Variants in DPYS observed in about 807,000 individuals in gnomAD.
DPYS encodes dihydropyrimidinase.
Under a neutral mutation model 50.3 loss-of-function variants are expected in DPYS, and 39 were observed. The ratio of observed to expected loss-of-function variants is 0.78; its 90% confidence interval spans 0.60 to 1.01. The LOEUF is 1.01. Among genes scored for constraint, DPYS ranks in the 50% least tolerant of loss-of-function variants. The pLI, the probability that DPYS is intolerant of heterozygous loss-of-function variation, is 0.00. For missense variants in DPYS, 659 were observed against 680.9 expected, an observed-to-expected ratio of 0.97 and a Z score of 0.36; for synonymous variants, 245 against 250.7, an observed-to-expected ratio of 0.98 and a Z score of 0.22.
chr8:104,462,731 G>C (rs927158496), intron 1 of DPYS, among the ~76,000 whole-genome samples: 9 of 152,156 alleles, frequency 5.9e-5, no homozygotes, highest in Non-Finnish European at 2.9e-5. Flanking sequence ...ACAGAATGTA[G>C]TAAAAGCAAA....
chr8:104,419,084 A>T (rs910521291), intron 7 of DPYS: 2 of 985,140 alleles, frequency 2.0e-6, no homozygotes, highest in African/African-American at 3.5e-5. Context: ...AAAGAAAATA[A>T]GACCAGCGAG....
intron 7 of DPYS, among the ~76,000 whole-genome samples, chr8:104,402,868 C>T (rs1035058567): frequency 6.6e-6 from 1 of 152,150 alleles, no homozygotes; most frequent in Non-Finnish European, 1.5e-5. Flanking sequence ...TACAACTTAG[C>T]TCACACCCGA....
chr8:104,427,503 T>C (rs1310467381), intron 6 of DPYS, among the ~76,000 whole-genome samples: 1 of 151,924 alleles, frequency 6.6e-6, no homozygotes, highest in Non-Finnish European at 1.5e-5. Context: ...GGTCTTGAAC[T>C]CCTGACCTCA....
intron 7 of DPYS, among the ~76,000 whole-genome samples, chr8:104,403,302 G>C (rs1287051118): frequency 6.6e-6 from 1 of 152,162 alleles, no homozygotes; most frequent in Non-Finnish European, 1.5e-5. Flanking sequence ...TGGGTTCCAT[G>C]GTTCCCTTCC....
chr8:104,444,197 T>A, intron 4 of DPYS, 51 bp downstream of exon 4: 1 of 1,606,362 alleles, frequency 6.2e-7, no homozygotes, highest in Non-Finnish European at 8.5e-7. Flanking sequence ...GACGTGGACT[T>A]TTCTCTTCAG....
intron 7 of DPYS, among the ~76,000 whole-genome samples, chr8:104,402,349 A>C (rs889423535): frequency 1.3e-5 from 2 of 152,230 alleles, no homozygotes; most frequent in Admixed American, 1.3e-4. Context: ...AAAATAATTT[A>C]GTGTCTTTAA....
chr8:104,420,350 T>C (rs1217938988), intron 7 of DPYS: 1 of 152,162 alleles, frequency 6.6e-6, no homozygotes, highest in African/African-American at 2.4e-5. Context: ...AGGCCAAGAA[T>C]AGAGAAAGCT....
chr8:104,466,649 G>A lies in DPYS; in HGVS notation c.264+8C>T, dbSNP rs1023991329. 19 of 1,510,034 alleles carry A rather than the reference G, an allele frequency of 1.3e-5. No individual in the cohort carries two copies. The Admixed American group carries it at 3.3e-4, about 26-fold the overall frequency. 93.5% of individuals were successfully genotyped at this position (1,510,034 alleles called of 1,614,324 possible). Reference sequence around the variant, plus strand: ...TACCGCGGGGCGGGGGCGCGGCGGGGCGGGTACCTTGGTGCCCTGGTGGAA... The same window carrying A: ...TACCGCGGGGCGGGGGCGCGGCGGGACGGGTACCTTGGTGCCCTGGTGGAA... On this transcript the variant is annotated splice_region_variant and intron_variant, in intron 1 of 9. Transcript: ENST00000351513.
At chr8:104,383,972 T>C (rs1039823841) in intron 8 of DPYS, among the ~76,000 whole-genome samples, 6 of 152,176 alleles carry the variant, frequency 3.9e-5, no homozygotes, top group Admixed American at 1.3e-4. Flanking sequence ...GAGCCAGCCA[T>C]GTCTGGCTTG....
chr8:104,424,319 A>G lies in DPYS; in HGVS notation c.1163T>C (p.Leu388Pro). The G allele has an allele frequency of 6.2e-7, 1 of 1,614,140 alleles. No individual in the cohort carries two copies. The highest frequency in any genetic ancestry group is 8.5e-7 in the Non-Finnish European group (1 of 1,180,014). The change falls in exon 7 of 10, where the codon CTC becomes CCC. Residue 388 changes from leucine to proline, a missense_variant. Leu to Pro is a moderately conservative substitution (Grantham distance 98). Coordinates refer to ENST00000351513, the MANE Select transcript of DPYS (RefSeq NM_001385.3). ...AGCTATTCTTCCTTTTCTTGGATAG[A>G]GATTAAAAATTTTGGCTGCATTTGT... Reference protein sequence around the residue: ...TSTNAAKIFNLYPRKGRIAVG... With the variant: ...TSTNAAKIFNPYPRKGRIAVG...
intron 8 of DPYS, among the ~76,000 whole-genome samples, chr8:104,389,051 C>A (rs1479408594): frequency 2.0e-5 from 3 of 152,094 alleles, no homozygotes; most frequent in African/African-American, 7.2e-5. Flanking sequence ...CAAGTACTGG[C>A]AAAAAAGAAT....
chr8:104,424,002 A>G lies in DPYS; in HGVS notation c.1235+245T>C, dbSNP rs553679630. ...CCAGGCACTGAAGTGGTAAATTCAT[A>G]TTGGTTTTATATACAGATCCATTGT... On this transcript the variant is annotated intron_variant, in intron 7 of 9. Transcript: ENST00000351513. 6 of 985,444 alleles carry G rather than the reference A, an allele frequency of 6.1e-6. No homozygotes were observed. In the East Asian group the frequency reaches 5.7e-4, roughly 93 times the overall value. The allele number at this position is 985,444 out of a possible 1,614,324, so 61.0% of individuals were successfully genotyped here. A position where few individuals can be genotyped will look rare whatever the true frequency, so the allele number is the denominator to read the frequency against.
In DPYS at chr8:104,424,337, G is replaced by T; in HGVS notation, c.1145C>A (p.Ala382Glu). 3 of 1,614,004 alleles carry T rather than the reference G, an allele frequency of 1.9e-6. No homozygotes were observed. The highest frequency in any genetic ancestry group is 2.2e-5 in the East Asian group (1 of 44,862). ...NRFVAVTSTNAAKIFNLYPRK... is the reference protein window; with the variant it reads ...NRFVAVTSTNEAKIFNLYPRK... ...TGGATAGAGATTAAAAATTTTGGCT[G>T]CATTTGTGCTGGTAACTGCCACAAA... The change falls in exon 7 of 10, where the codon GCA (alanine) becomes GAA (glutamate). Residue 382 changes from alanine (A) to glutamate (E), a missense_variant. By Grantham distance (107) the Ala-to-Glu change is moderately radical. Coordinates refer to ENST00000351513, the MANE Select transcript of DPYS (RefSeq NM_001385.3).
intron 7 of DPYS, among the ~76,000 whole-genome samples, chr8:104,402,956 G>A (rs181859763): frequency 3.9e-5 from 6 of 152,242 alleles, no homozygotes; most frequent in African/African-American, 9.6e-5. Context: ...ATCATCTATC[G>A]CCTGAGAGCA....
chr8:104,452,892 T>G (rs534452387), intron 1 of DPYS, among the ~76,000 whole-genome samples: 1 of 152,306 alleles, frequency 6.6e-6, no homozygotes, highest in African/African-American at 2.4e-5. Flanking sequence ...GTTTGATTCA[T>G]GGTAAGTGCT....
At chr8:104,463,904 T>C (rs1225815360) in intron 1 of DPYS, among the ~76,000 whole-genome samples, 1 of 152,206 alleles carries the variant, frequency 6.6e-6, no homozygotes, top group Non-Finnish European at 1.5e-5. Flanking sequence ...GTAATGTTTA[T>C]GTTTATCTAT....
rs34752863 is a variant in DPYS at position 104,389,542 on chromosome 8, T to TTA, written c.1443+3241_1443+3242insTA. Among the ~76,000 whole-genome samples the TTA allele has an allele frequency of 7.4e-3, 844 of 113,558 alleles. 11 individuals carry two copies. The highest frequency in any genetic ancestry group is 0.036 in the African/African-American group (802 of 22,528). 74.5% of individuals were successfully genotyped at this position (113,558 alleles called of 152,430 possible). A position where few individuals can be genotyped will look rare whatever the true frequency, so the allele number is the denominator to read the frequency against. ...TCATGACTATTTTCTTCCTTTTATT[T>TTA]TTTTTTTTTTGTCTCTACAGAGGTC... On this transcript the variant is annotated intron_variant, in intron 8 of 9. Coordinates refer to ENST00000351513, the MANE Select transcript of DPYS (RefSeq NM_001385.3).
intron 8 of DPYS, among the ~76,000 whole-genome samples, chr8:104,383,536 G>A (rs775219355): frequency 2.0e-5 from 3 of 151,752 alleles, no homozygotes; most frequent in Admixed American, 6.6e-5. Context: ...TTGGCCTGGC[G>A]TGGGCTGACT....
intron 7 of DPYS, chr8:104,423,858 A>G: frequency 6.6e-6 from 4 of 607,896 alleles, no homozygotes; most frequent in Non-Finnish European, 8.2e-6. Flanking sequence ...GAATTTTTCT[A>G]TCTGAAAGCT....
Sources: allele counts gnomAD v4.1 joint callset (sites outside exome capture counted in the v4.1 genomes callset), GRCh38; gene constraint gnomAD v4.1.1; transcripts MANE v1.5; gene names NCBI Gene and HGNC (gene_info 2026-07-23, HGNC 2026-07-21).